Variants in C1orf216 observed in about 807,000 individuals in gnomAD.
C1orf216 encodes chromosome 1 open reading frame 216, also known as UPF0500 protein C1orf216.
Under a neutral mutation model 16.4 loss-of-function variants are expected in C1orf216, and 18 were observed. The ratio of observed to expected loss-of-function variants is 1.10; its 90% CI spans 0.76 to 1.63. The LOEUF is 1.63. C1orf216 is among the 40% of genes most tolerant of loss of function. C1orf216 has a pLI of 0.00. For missense variants in C1orf216, 271 were observed against 297.6 expected (o/e 0.91, Z 0.66); for synonymous variants, 115 against 116.9 (o/e 0.98, Z 0.11).
chr1:35,718,870 T>A lies in C1orf216; in HGVS notation c.-169A>T, dbSNP rs975729175. 3 of 152,108 alleles carry A rather than the reference T, an allele frequency of 2.0e-5. No individual in the cohort carries two copies. Among genetic ancestry groups the A allele is most frequent in the African/African-American group, 4.8e-5 (2 of 41,412 alleles). The allele number at this position is 152,108 out of a possible 1,614,324, so 9.4% of individuals were successfully genotyped here. On this transcript the variant is annotated 5_prime_UTR_variant, in exon 1 of 2. Coordinates refer to ENST00000270815, the MANE Select transcript of C1orf216 (RefSeq NM_152374.2). ...CCAGCCCCAGTCCCGGACTGCGGAGTCAGGCGGCGTCTGCGCAGCAGGGCG... is the reference window on the plus strand; with the variant it reads ...CCAGCCCCAGTCCCGGACTGCGGAGACAGGCGGCGTCTGCGCAGCAGGGCG...
Position 35,715,792 on chromosome 1 carries a change from C to CGA in C1orf216, c.528_529dup (p.Arg177LeufsTer16). On this transcript the variant is annotated frameshift_variant, in exon 2 of 2. Coordinates refer to ENST00000270815, the MANE Select transcript of C1orf216 (RefSeq NM_152374.2). LOFTEE classifies it high-confidence loss of function. The surrounding 1 kb of genome is among the most constrained non-coding windows in gnomAD (Gnocchi z 4.3). ...CCGGATCCACTGGAGCAGTGCCAGG[C>CGA]GACGGTACATCACCAAGTGCACGTG... 6.2e-7 allele frequency: 1 copy of CGA among 1,614,212 alleles called. No individual in the cohort carries two copies. The highest frequency in any genetic ancestry group is 8.5e-7 in the Non-Finnish European group (1 of 1,180,050).
chr1:35,714,575 T>C lies in C1orf216; in HGVS notation c.*1057A>G, dbSNP rs1166029814. 2 of 152,176 alleles carry C rather than the reference T, an allele frequency of 1.3e-5. No individual in the cohort carries two copies. Among genetic ancestry groups the C allele is most frequent in the Non-Finnish European group, 2.9e-5 (2 of 68,008 alleles). 9.4% of individuals were successfully genotyped at this position (152,176 alleles called of 1,614,324 possible). On this transcript the variant is annotated 3_prime_UTR_variant, in exon 2 of 2. Transcript: ENST00000270815. ...TCATCAGAAGCTTAAATGAACACGG[T>C]TTGCAACAGCTCCTTTTCCAATGGA... is the stretch of plus-strand genomic sequence containing the variant.
chr1:35,715,542 T>G lies in C1orf216; in HGVS notation c.*90A>C. 7.1e-7 allele frequency: 1 copy of G among 1,405,904 alleles called. No homozygotes were observed. The highest frequency in any genetic ancestry group is 9.6e-7 in the Non-Finnish European group (1 of 1,040,594). The allele number at this position is 1,405,904 out of a possible 1,614,324, so 87.1% of individuals were successfully genotyped here. A position where few individuals can be genotyped will look rare whatever the true frequency, so the allele number is the denominator to read the frequency against. On this transcript the variant is annotated 3_prime_UTR_variant, in exon 2 of 2. Transcript: ENST00000270815. This position sits in a 1 kb window ranked among gnomAD's most constrained non-coding sequence, Gnocchi z 4.3. The stretch of plus-strand genomic sequence containing the variant: ...CATACACACTCATGCCTACCTGCAA[T>G]CATGCCAGCAAATTATGTACTTACT...
At position 35,716,135 on chromosome 1, in the gene C1orf216, CAGA is replaced by C. The variant is rs1640953368; in HGVS notation, c.184_186del (p.Ser62del). 4 of 1,614,228 alleles carry C rather than the reference CAGA, an allele frequency of 2.5e-6. No individual in the cohort carries two copies. Among genetic ancestry groups the C allele is most frequent in the Middle Eastern group, 3.3e-4 (2 of 6,062 alleles). ...AAGGCTTGGTTGTCAGAGGGTGACTCAGAGGAGCTCCTCCTCAGGATAGGTTCC... is the reference window on the plus strand; with the variant it reads ...AAGGCTTGGTTGTCAGAGGGTGACTCGGAGCTCCTCCTCAGGATAGGTTCC... On this transcript the variant is annotated inframe_deletion, in exon 2 of 2. Coordinates refer to ENST00000270815, the MANE Select transcript of C1orf216 (RefSeq NM_152374.2).
At chr1:35,716,590 C>A (rs41267259) in intron 1 of C1orf216, 6 of 501,852 alleles carry the variant, frequency 1.2e-5, no homozygotes, top group Non-Finnish European at 2.1e-5. Flanking sequence ...TCCAGAGGAC[C>A]TCATTCTCTG....
chr1:35,714,625 A>G lies in C1orf216; in HGVS notation c.*1007T>C, dbSNP rs1381008979. ...AGAGATGGTTTGTTTGGGAACTGGT[A>G]TTTTAGAATTCCCATTCTCCTATTC... On this transcript the variant is annotated 3_prime_UTR_variant, in exon 2 of 2. Transcript: ENST00000270815. 2.0e-5 allele frequency: 3 copies of G among 152,236 alleles called. No homozygotes were observed. The highest frequency in any genetic ancestry group is 4.1e-4 in the South Asian group (2 of 4,836). The allele number at this position is 152,236 out of a possible 1,614,324, so 9.4% of individuals were successfully genotyped here. A position where few individuals can be genotyped will look rare whatever the true frequency, so the allele number is the denominator to read the frequency against.
chr1:35,715,400 T>C lies in C1orf216; in HGVS notation c.*232A>G. The stretch of plus-strand genomic sequence containing the variant: ...CACACATATGTTCACTCTTACATGC[T>C]CACATATAGGTCTGCAGATAAATTA... On this transcript the variant is annotated 3_prime_UTR_variant, in exon 2 of 2. Coordinates refer to ENST00000270815, the MANE Select transcript of C1orf216 (RefSeq NM_152374.2). This position sits in a 1 kb window ranked among gnomAD's most constrained non-coding sequence, Gnocchi z 4.3. 1 of 572,464 alleles carries C rather than the reference T, an allele frequency of 1.7e-6. No individual in the cohort carries two copies. The highest frequency in any genetic ancestry group is 3.3e-5 in the Admixed American group (1 of 30,144). The allele number at this position is 572,464 out of a possible 1,614,324, so 35.5% of individuals were successfully genotyped here.
intron 1 of C1orf216, among the ~76,000 whole-genome samples, chr1:35,718,232 G>C (rs1388668589): frequency 6.6e-6 from 1 of 152,196 alleles, no homozygotes; most frequent in Non-Finnish European, 1.5e-5. Context: ...AGCATGAAGA[G>C]GAAGGGTATT....
rs1640929512 is a variant in C1orf216, at chr1:35,715,129, A to G, written c.*503T>C. 5.9e-6 allele frequency: 1 copy of G among 170,622 alleles called. No individual in the cohort carries two copies. The highest frequency in any genetic ancestry group is 1.6e-4 in the East Asian group (1 of 6,262). The allele number at this position is 170,622 out of a possible 1,614,324, so 10.6% of individuals were successfully genotyped here. A position where few individuals can be genotyped will look rare whatever the true frequency, so the allele number is the denominator to read the frequency against. The stretch of plus-strand genomic sequence containing the variant: ...GATATGTATTTGCACACACCTGCTC[A>G]TGAGTCTGCCTACAAACACACATGC... On this transcript the variant is annotated 3_prime_UTR_variant, in exon 2 of 2. Transcript: ENST00000270815. The surrounding 1 kb of genome is among the most constrained non-coding windows in gnomAD (Gnocchi z 4.3).
In C1orf216 at chr1:35,715,855, A is replaced by G; in HGVS notation, c.467T>C (p.Val156Ala). ...CTCCTGCTCTTTGTAGCGCTCCTGG[A>G]CTTGTAAGTGCTGCACAGCCTGGGC... ...SVAQAVQHLQ[V>A]QERYKEQEKE... The change falls in exon 2 of 2, where the codon GTC becomes GCC. Residue 156 changes from valine (V) to alanine (A), a missense_variant. Coordinates refer to ENST00000270815, the MANE Select transcript of C1orf216 (RefSeq NM_152374.2). This position sits in a 1 kb window ranked among gnomAD's most constrained non-coding sequence, Gnocchi z 4.3. 6.2e-7 allele frequency: 1 copy of G among 1,614,166 alleles called. No homozygotes were observed. Among genetic ancestry groups the G allele is most frequent in the South Asian group, 1.1e-5 (1 of 91,084 alleles).
At chr1:35,717,440 C>T (rs748782048) in intron 1 of C1orf216, among the ~76,000 whole-genome samples, 6 of 152,032 alleles carry the variant, frequency 3.9e-5, no homozygotes, top group Non-Finnish European at 8.8e-5. Flanking sequence ...CCTACAATAT[C>T]CTTCCTCTCC....
intron 1 of C1orf216, 113 bp from the exon 2 acceptor site, chr1:35,716,439 T>C: frequency 1.1e-6 from 1 of 882,466 alleles, no homozygotes; most frequent in Non-Finnish European, 1.7e-6. Context: ...CCACTCCCTG[T>C]CAAGCCCTTT....
chr1:35,718,259 C>G (rs1242737628), intron 1 of C1orf216, among the ~76,000 whole-genome samples: 3 of 152,162 alleles, frequency 2.0e-5, no homozygotes, highest in Non-Finnish European at 4.4e-5. Flanking sequence ...GGAGCCGGCA[C>G]TGGAAGGCGC....
intron 1 of C1orf216, among the ~76,000 whole-genome samples, chr1:35,717,194 C>T (rs994385816): frequency 3.3e-5 from 5 of 152,054 alleles, no homozygotes; most frequent in Admixed American, 2.6e-4. Context: ...GGATTATTGC[C>T]TCGGCCTTTT....
At chr1:35,717,866 A>T (rs1640977129) in intron 1 of C1orf216, among the ~76,000 whole-genome samples, 1 of 152,138 alleles carries the variant, frequency 6.6e-6, no homozygotes, top group Non-Finnish European at 1.5e-5. Context: ...AGTGAATGGG[A>T]GAAGAGACTG....
chr1:35,715,566 C>T lies in C1orf216; in HGVS notation c.*66G>A. 1 of 1,503,412 alleles carries T rather than the reference C, an allele frequency of 6.7e-7. No homozygotes were observed. Among genetic ancestry groups the T allele is most frequent in the South Asian group, 1.3e-5 (1 of 76,402 alleles). The allele number at this position is 1,503,412 out of a possible 1,614,324, so 93.1% of individuals were successfully genotyped here. A position where few individuals can be genotyped will look rare whatever the true frequency, so the allele number is the denominator to read the frequency against. On this transcript the variant is annotated 3_prime_UTR_variant, in exon 2 of 2. Transcript: ENST00000270815. This position sits in a 1 kb window ranked among gnomAD's most constrained non-coding sequence, Gnocchi z 4.3. ...ATCATGCCAGCAAATTATGTACTTA[C>T]TAGTGCGCCTCACACATGCCTGCAA...
Position 35,715,637 on chromosome 1 carries a change from C to A in C1orf216, c.685G>T (p.Ala229Ser). Residue 229 changes from alanine (A) to serine (S), a missense_variant, in exon 2 of 2, where the codon GCC becomes TCC. Coordinates refer to ENST00000270815, the MANE Select transcript of C1orf216 (RefSeq NM_152374.2). The surrounding 1 kb of genome is among the most constrained non-coding windows in gnomAD (Gnocchi z 4.3). ...ACACTTGTGGAGGCACACCCTTAGG[C>A]CTGGTCCTGGGGCCTGGATGGTGCT... ...RAAPSRPQDQ[A>S] is the part of the protein sequence containing the mutation. The A allele has an allele frequency of 6.2e-7, 1 of 1,611,562 alleles. No homozygotes were observed. Among genetic ancestry groups the A allele is most frequent in the Non-Finnish European group, 8.5e-7 (1 of 1,178,510 alleles).
At position 35,716,310 on chromosome 1, in the gene C1orf216, G is replaced by A; in HGVS notation, c.12C>T (p.Ile4=). The A allele has an allele frequency of 1.9e-6, 3 of 1,612,418 alleles. No homozygotes were observed. Among genetic ancestry groups the A allele is most frequent in the Non-Finnish European group, 2.5e-6 (3 of 1,179,106 alleles). Residue 4 remains isoleucine (I), a synonymous_variant, in exon 2 of 2, where the codon ATC becomes ATT. Coordinates refer to ENST00000270815, the MANE Select transcript of C1orf216 (RefSeq NM_152374.2). The part of the protein sequence containing the change: MFA[I]QPGLAEGGQF... ...GGCCCCCCTCAGCTAGCCCTGGCTG[G>A]ATGGCGAACATCTAGCCTGTAAAGG... is the stretch of plus-strand genomic sequence containing the variant.
intron 1 of C1orf216, among the ~76,000 whole-genome samples, chr1:35,717,677 T>C (rs148015279): frequency 5.7e-4 from 87 of 152,326 alleles, no homozygotes; most frequent in African/African-American, 1.9e-3. Flanking sequence ...CTGGCATACA[T>C]GGTCGACGAT....
Sources: gnomAD v4.1 joint callset for allele counts (sites outside exome capture counted in the v4.1 genomes callset) on GRCh38, gnomAD v4.1.1 for gene constraint, Gnocchi (gnomAD v3.1) non-coding constraint, MANE v1.5 for transcripts, NCBI Gene and HGNC (gene_info 2026-07-23, HGNC 2026-07-21) for gene names.